Variants in NOVA1 observed in about 807,000 individuals in gnomAD.
NOVA1 encodes RNA-binding protein Nova-1.
NOVA1 carries 7 observed loss-of-function variants against 38.0 expected under a neutral mutation model. The observed-to-expected ratio is 0.18, with a 90% confidence interval of 0.10 to 0.35. NOVA1 has a LOEUF of 0.35. NOVA1 is among the 10% of genes least tolerant of loss of function. NOVA1 has a pLI of 1.00. For synonymous variants in NOVA1, 270 were observed against 232.5 expected (o/e 1.16, Z -1.47); for missense variants, 460 against 616.0 (o/e 0.75, Z 2.68).
chr14:26,459,356 G>A (rs991242598), intron 4 of NOVA1, among the ~76,000 whole-genome samples: 1 of 152,162 alleles, frequency 6.6e-6, no homozygotes, highest in Admixed American at 6.6e-5. Context: ...AAGGTAACAT[G>A]CTGTACAGAT....
chr14:26,579,856 C>T (rs1476688596), intron 2 of NOVA1, among the ~76,000 whole-genome samples: 1 of 151,924 alleles, frequency 6.6e-6, no homozygotes, highest in Non-Finnish European at 1.5e-5. Context: ...CTTGACAGAG[C>T]CAATATCTTA....
At chr14:26,596,279 TC>T (rs1435199032) in intron 1 of NOVA1, among the ~76,000 whole-genome samples, 3 of 152,068 alleles carry the variant, frequency 2.0e-5, no homozygotes. Context: ...AGCTTAGGAG[TC>T]ATTTATATTA....
chr14:26,587,366 T>G (rs1214893930), intron 2 of NOVA1, among the ~76,000 whole-genome samples: 1 of 146,128 alleles, frequency 6.8e-6, no homozygotes, highest in Non-Finnish European at 1.5e-5. Flanking sequence ...TTTCTCAGGG[T>G]AAAGCAAAGT....
chr14:26,447,276 C>T lies in NOVA1; in HGVS notation c.*683G>A, dbSNP rs1361043132. Reference sequence around the variant, plus strand: ...GAAGAGGTGGGACTCCATGTGAGAACTTTTGTTGAACTTACAAATGATGAA... The same window carrying T: ...GAAGAGGTGGGACTCCATGTGAGAATTTTTGTTGAACTTACAAATGATGAA... On this transcript the variant is annotated 3_prime_UTR_variant, in exon 5 of 5. Coordinates refer to ENST00000539517, the MANE Select transcript of NOVA1 (RefSeq NM_002515.3). 1 of 152,832 alleles carries T rather than the reference C, an allele frequency of 6.5e-6. No individual in the cohort carries two copies. Among genetic ancestry groups the T allele is most frequent in the African/African-American group, 2.4e-5 (1 of 41,568 alleles). 9.5% of individuals were successfully genotyped at this position (152,832 alleles called of 1,614,324 possible). A position where few individuals can be genotyped will look rare whatever the true frequency, so the allele number is the denominator to read the frequency against.
chr14:26,509,950 G>A (rs1466862226), intron 2 of NOVA1, among the ~76,000 whole-genome samples: 1 of 152,180 alleles, frequency 6.6e-6, no homozygotes, highest in South Asian at 2.1e-4. Flanking sequence ...AAAGTGTCGG[G>A]ATTATAGGCA....
intron 2 of NOVA1, among the ~76,000 whole-genome samples, chr14:26,511,615 G>A (rs2066891471): frequency 6.6e-6 from 1 of 152,074 alleles, no homozygotes; most frequent in Non-Finnish European, 1.5e-5. Context: ...AGCTGGGCGT[G>A]GTGGTGCATG....
At chr14:26,471,792 T>C (rs1432611814) in intron 4 of NOVA1, among the ~76,000 whole-genome samples, 1 of 152,040 alleles carries the variant, frequency 6.6e-6, no homozygotes, top group Non-Finnish European at 1.5e-5. Context: ...TTGTTAAACA[T>C]TAAAATTACC....
chr14:26,575,269 A>T (rs958662120), intron 2 of NOVA1, among the ~76,000 whole-genome samples: 1 of 152,178 alleles, frequency 6.6e-6, no homozygotes, highest in African/African-American at 2.4e-5. Context: ...TTTTTACTTC[A>T]TAATACAATG....
At chr14:26,450,382 T>TACAG (rs1555314372) in intron 4 of NOVA1, among the ~76,000 whole-genome samples, 1 of 149,814 alleles carries the variant, frequency 6.7e-6, no homozygotes, top group Non-Finnish European at 1.5e-5. Flanking sequence ...ACACATATAA[T>TACAG]ACACACACAC....
In NOVA1 at chr14:26,484,134, G is replaced by A. The variant is rs572546646; in HGVS notation, c.281-3991C>T. ...TCTTGATACTGTTGATATAGATGAA[G>A]GGTATAAAGAAATTAATTGGCCGGG... On this transcript the variant is annotated intron_variant, in intron 2 of 4. Coordinates refer to ENST00000539517, the MANE Select transcript of NOVA1 (RefSeq NM_002515.3). Among the ~76,000 whole-genome samples the A allele has an allele frequency of 5.3e-5, 8 of 152,018 alleles. No homozygotes were observed. The South Asian group carries it at 1.2e-3, about 24-fold the overall frequency.
At chr14:26,597,088 A>G in intron 1 of NOVA1, 1 of 1,232,140 alleles carries the variant, frequency 8.1e-7, no homozygotes, top group Non-Finnish European at 1.0e-6. Context: ...TGAATGATAA[A>G]CACAGAAATG....
chr14:26,527,265 C>T (rs1192109507), intron 2 of NOVA1, among the ~76,000 whole-genome samples: 2 of 152,088 alleles, frequency 1.3e-5, no homozygotes, highest in Non-Finnish European at 1.5e-5. Flanking sequence ...TAGATGACCT[C>T]GTTCCAGTTT....
Position 26,448,572 on chromosome 14 carries a change from A to G in NOVA1, c.911T>C (p.Leu304Ser). The change falls in exon 5 of 5, where the codon TTA becomes TCA. Residue 304 changes from leucine to serine, a missense_variant. Physicochemically the swap from Leu to Ser is moderately radical, Grantham distance 145 (BLOSUM62 -2). Transcript: ENST00000539517. The surrounding 1 kb of genome is among the most constrained non-coding windows in gnomAD (Gnocchi z 5.3). ...LAGVAAFPAV[L>S]SGFTGNDLVA... ...CAGGTCATTGCCTGTGAAGCCAGAT[A>G]AAACTGCTGGAAAGGCTGCAACGCC... 1.2e-6 allele frequency: 2 copies of G among 1,614,212 alleles called. No individual in the cohort carries two copies. The highest frequency in any genetic ancestry group is 1.7e-6 in the Non-Finnish European group (2 of 1,180,040).
Position 26,448,315 on chromosome 14 carries a change from C to T in NOVA1, c.1168G>A (p.Ala390Thr). ...TATCCATTGGTTGCAGCAGTAGCAG[C>T]AGCCAGGCTACCTAATGCAAATGTC... Reference protein sequence around the residue: ...AGTFALGSLAAATAATNGYFG... With the variant: ...AGTFALGSLATATAATNGYFG... Residue 390 changes from alanine (A) to threonine (T), a missense_variant, in exon 5 of 5, where the codon GCT (alanine) becomes ACT (threonine). By Grantham distance (58) the Ala-to-Thr change is moderately conservative. Coordinates refer to ENST00000539517, the MANE Select transcript of NOVA1 (RefSeq NM_002515.3). This position sits in a 1 kb window ranked among gnomAD's most constrained non-coding sequence, Gnocchi z 5.3. The T allele has an allele frequency of 6.2e-7, 1 of 1,614,082 alleles. No homozygotes were observed. Among genetic ancestry groups the T allele is most frequent in the Non-Finnish European group, 8.5e-7 (1 of 1,180,016 alleles).
chr14:26,516,982 T>G (rs1055416569), intron 2 of NOVA1, among the ~76,000 whole-genome samples: 1 of 149,692 alleles, frequency 6.7e-6, no homozygotes, highest in Non-Finnish European at 1.5e-5. Flanking sequence ...CTTGGCTCAC[T>G]GCAACCTCCA....
At chr14:26,593,493 T>C (rs1207246520) in intron 2 of NOVA1, 1 of 151,904 alleles carries the variant, frequency 6.6e-6, no homozygotes, top group Non-Finnish European at 1.5e-5. Context: ...ATTGATCCCA[T>C]ACTGTGTGAT....
At chr14:26,489,827 CTCTG>C (rs899561502) in intron 2 of NOVA1, among the ~76,000 whole-genome samples, 29 of 152,020 alleles carry the variant, frequency 1.9e-4, no homozygotes, top group African/African-American at 6.5e-4. Flanking sequence ...CAGAGTGATA[CTCTG>C]TCTCAATAAA....
At chr14:26,494,518 G>A (rs1246408002) in intron 2 of NOVA1, among the ~76,000 whole-genome samples, 1 of 152,156 alleles carries the variant, frequency 6.6e-6, no homozygotes, top group African/African-American at 2.4e-5. Flanking sequence ...AGAGATACTG[G>A]TAAACTGTAG....
chr14:26,449,207 C>T (rs992458358), intron 4 of NOVA1, among the ~76,000 whole-genome samples: 1 of 152,028 alleles, frequency 6.6e-6, no homozygotes, highest in African/African-American at 2.4e-5. Flanking sequence ...TTCCTTGAGT[C>T]ACTGTGAATT....
Sources: allele counts gnomAD v4.1 joint callset (sites outside exome capture counted in the v4.1 genomes callset), GRCh38; gene constraint gnomAD v4.1.1; non-coding constraint Gnocchi (gnomAD v3.1); transcripts MANE v1.5; gene names NCBI Gene and HGNC (gene_info 2026-07-23, HGNC 2026-07-21).